The following CEP350 variants were observed in gnomAD, a reference collection of about 807,000 sequenced individuals.
CEP350 encodes the protein centrosomal protein 350.
Under a neutral mutation model 331.8 loss-of-function variants are expected in CEP350, and 126 were observed. The observed-to-expected ratio is 0.38, with a 90% CI of 0.33 to 0.44. CEP350 has a LOEUF of 0.44. CEP350 is among the 20% of genes least tolerant of loss of function. CEP350 has a pLI of 1.00. For synonymous variants in CEP350, 1,200 were observed against 1,259.5 expected (o/e 0.95, Z 1.00); for missense variants, 3,406 against 3,634.6 (o/e 0.94, Z 1.62).
intron 19 of CEP350, 42 bp from the exon 20 acceptor site, chr1:180,043,014 C>G (rs374010214): frequency 3.8e-6 from 6 of 1,582,052 alleles, no homozygotes; most frequent in Non-Finnish European, 2.6e-6. Context: ...TCTGACCTTA[C>G]GTTTTAATAC....
At chr1:179,969,978 C>T (rs1175297557) in intron 1 of CEP350, among the ~76,000 whole-genome samples, 1 of 152,028 alleles carries the variant, frequency 6.6e-6, no homozygotes, top group Non-Finnish European at 1.5e-5. Flanking sequence ...TAGATATATT[C>T]CTTGAAATTA....
chr1:180,065,658 TGAG>T (rs1296487343), intron 27 of CEP350, among the ~76,000 whole-genome samples: 2 of 151,158 alleles, frequency 1.3e-5, no homozygotes, highest in African/African-American at 4.9e-5. Context: ...TGTGGGAGGC[TGAG>T]GTGGGAGGAT....
rs1657586064 is a variant in CEP350 at position 180,052,637 on chromosome 1, A to T, written c.4793-333A>T. Among the ~76,000 whole-genome samples the T allele has an allele frequency of 2.0e-5, 3 of 151,952 alleles. No individual in the cohort carries two copies. The South Asian group carries it at 6.2e-4, about 31-fold the overall frequency. On this transcript the variant is annotated intron_variant, in intron 22 of 37. Coordinates refer to ENST00000367607, the MANE Select transcript of CEP350 (RefSeq NM_014810.5). ...AATGTTAAACATTTTTTTCACTTTT[A>T]CTATTTATATTTCCTTTGTAAAGCA...
intron 8 of CEP350, among the ~76,000 whole-genome samples, chr1:180,008,430 T>C (rs560239827): frequency 8.5e-6 from 1 of 117,606 alleles, no homozygotes; most frequent in African/African-American, 2.6e-5. Flanking sequence ...GCCTGGCACA[T>C]GATAAAGACT....
rs144168003 is a variant in CEP350, at chr1:180,041,768, G to A, written c.4328G>A (p.Arg1443His). The A allele has an allele frequency of 5.0e-6, 8 of 1,612,878 alleles. No individual in the cohort carries two copies. The highest frequency in any genetic ancestry group is 2.7e-5 in the African/African-American group (2 of 75,018). Residue 1443 changes from arginine (R) to histidine (H), a missense_variant, in exon 19 of 38, where the codon CGC becomes CAC. By Grantham distance (29) the Arg-to-His change is conservative (BLOSUM62 0). This residue lies in a region of CEP350 where 1,857 missense variants were observed against 1,909.2 expected (regional missense o/e 0.97). Coordinates refer to ENST00000367607, the MANE Select transcript of CEP350 (RefSeq NM_014810.5). ...GCAGCTCAGCAGTCAGAAACTGCTCGCCTCACCACAGACGCAGCACGTCAA... is the reference window on the plus strand; with the variant it reads ...GCAGCTCAGCAGTCAGAAACTGCTCACCTCACCACAGACGCAGCACGTCAA... Reference protein sequence around the residue: ...KIAAQQSETARLTTDAARQIC... With the variant: ...KIAAQQSETAHLTTDAARQIC...
At chr1:180,074,960 C>A in intron 27 of CEP350, 62 bp from the exon 28 acceptor site, 2 of 1,424,526 alleles carry the variant, frequency 1.4e-6, no homozygotes, top group Admixed American at 2.5e-5. Context: ...TGATAGAGCT[C>A]TCAAAGTGAT....
At chr1:180,042,132 T>TCACACACACACACACACACACA (rs59048123) in intron 19 of CEP350, among the ~76,000 whole-genome samples, 1 of 146,774 alleles carries the variant, frequency 6.8e-6, no homozygotes, top group Non-Finnish European at 1.5e-5. Context: ...GAGTTTTCTC[T>TCACACACACACACACACACACA]CACACACACA....
chr1:180,099,780 A>ATTTTT (rs200255438), intron 37 of CEP350, among the ~76,000 whole-genome samples: 127 of 119,492 alleles, frequency 1.1e-3, no homozygotes, highest in East Asian at 1.7e-3. Flanking sequence ...GCCTTATTTG[A>ATTTTT]TTTTTTTTTT....
At position 180,020,245 on chromosome 1, in the gene CEP350, G is replaced by A. The variant is rs756890824; in HGVS notation, c.2471G>A (p.Arg824His). The A allele has an allele frequency of 2.0e-5, 33 of 1,613,892 alleles. No individual in the cohort carries two copies. The highest frequency in any genetic ancestry group is 5.0e-5 in the Admixed American group (3 of 60,000). ...SASQYKSKLD[R>H]IEALKATAAS... ...AGCCAATATAAGAGTAAACTGGATCGTATTGAAGCCTTGAAAGCAACAGCT... is the reference window on the plus strand; with the variant it reads ...AGCCAATATAAGAGTAAACTGGATCATATTGAAGCCTTGAAAGCAACAGCT... The change falls in exon 12 of 38, where the codon CGT becomes CAT. Residue 824 changes from arginine (R) to histidine (H), a missense_variant. This residue lies in a region of CEP350 where 1,857 missense variants were observed against 1,909.2 expected (regional missense o/e 0.97). Coordinates refer to ENST00000367607, the MANE Select transcript of CEP350 (RefSeq NM_014810.5).
chr1:180,069,688 A>G (rs1658771228), intron 27 of CEP350, among the ~76,000 whole-genome samples: 1 of 152,160 alleles, frequency 6.6e-6, no homozygotes, highest in African/African-American at 2.4e-5. Context: ...CCTAAGCTAC[A>G]TTTTCTTTTC....
rs139497210 is a variant in CEP350, at chr1:180,052,976, C to A, written c.4799C>A (p.Thr1600Lys). 4.0e-6 allele frequency: 5 copies of A among 1,253,158 alleles called. No homozygotes were observed. In the African/African-American group the frequency reaches 7.5e-5, roughly 19 times the overall value. The allele number at this position is 1,253,158 out of a possible 1,614,324, so 77.6% of individuals were successfully genotyped here. Reference protein sequence around the residue: ...VPSLPDEKDSTSIATEYSLKF... With the variant: ...VPSLPDEKDSKSIATEYSLKF... The stretch of plus-strand genomic sequence containing the variant: ...TTTCTCCATATTCTTTTAGACTCAA[C>A]GTCTATTGCAACAGAATATTCTCTG... The change falls in exon 23 of 38, where the codon ACG becomes AAG. Residue 1600 changes from threonine to lysine, a missense_variant. By Grantham distance (78) the Thr-to-Lys change is moderately conservative. This residue lies in a region of CEP350 where 1,857 missense variants were observed against 1,909.2 expected (regional missense o/e 0.97). Transcript: ENST00000367607.
chr1:180,059,545 C>T (rs1169722032), intron 25 of CEP350, among the ~76,000 whole-genome samples: 5 of 151,302 alleles, frequency 3.3e-5, no homozygotes, highest in Non-Finnish European at 5.9e-5. Context: ...ACGGGAAATC[C>T]ATAATCAGAC....
At chr1:180,083,182 A>C (rs1036147403) in intron 30 of CEP350, among the ~76,000 whole-genome samples, 1 of 152,208 alleles carries the variant, frequency 6.6e-6, no homozygotes, top group African/African-American at 2.4e-5. Context: ...TAAGACTATT[A>C]AATGTCTCAC....
At chr1:180,087,757 T>C in intron 32 of CEP350, 40 bp downstream of exon 32, 1 of 1,425,890 alleles carries the variant, frequency 7.0e-7, no homozygotes. Flanking sequence ...CTGCCTTGTT[T>C]GAAAAAGGAA....
rs191748284 is a variant in CEP350 at position 179,991,865 on chromosome 1, T to C, written c.236-197T>C. Reference sequence around the variant, plus strand: ...CCTCAGAATACAATTTCTGTATCAATGGAGTTACTTTAACAATTTAACCTG... The same window carrying C: ...CCTCAGAATACAATTTCTGTATCAACGGAGTTACTTTAACAATTTAACCTG... On this transcript the variant is annotated intron_variant, in intron 4 of 37. Transcript: ENST00000367607. Among the ~76,000 whole-genome samples the C allele has an allele frequency of 1.6e-3, 248 of 152,118 alleles. 1 individual carries two copies. Among genetic ancestry groups the C allele is most frequent in the Non-Finnish European group, 1.1e-3 (75 of 67,998 alleles).
chr1:180,049,086 A>T (rs533939236), intron 22 of CEP350, among the ~76,000 whole-genome samples: 7 of 152,304 alleles, frequency 4.6e-5, no homozygotes, highest in African/African-American at 1.4e-4. Flanking sequence ...ATAAGTAAAT[A>T]AAGTGGCAAA....
At position 180,026,356 on chromosome 1, in the gene CEP350, G is replaced by A. The variant is rs182462990; in HGVS notation, c.3550+1774G>A. Among the ~76,000 whole-genome samples, 159 of 152,120 alleles carry A rather than the reference G, an allele frequency of 1.0e-3. 1 individual carries two copies. Among genetic ancestry groups the A allele is most frequent in the African/African-American group, 3.6e-3 (150 of 41,506 alleles). On this transcript the variant is annotated intron_variant, in intron 14 of 37. Transcript: ENST00000367607. The stretch of plus-strand genomic sequence containing the variant: ...ACGAGGGCCTCACTTTGTTGCCCAG[G>A]CTGGTCTCGAACTCCTGGGCTCAAG...
chr1:180,092,751 A>G lies in CEP350; in HGVS notation c.6646A>G (p.Arg2216Gly). ...AGTTCTCAGATCATCAAGGAAAATC[A>G]GAGAAGAATCTGGAGATTCTCTAGA... ...SPVLRSSRKI[R>G]EESGDSLENV... The change falls in exon 34 of 38, where the codon AGA becomes GGA. Residue 2216 changes from arginine (R) to glycine (G), a missense_variant. This residue lies in a region of CEP350 where 1,415 missense variants were observed against 1,512.3 expected (regional missense o/e 0.94). Coordinates refer to ENST00000367607, the MANE Select transcript of CEP350 (RefSeq NM_014810.5). 1 of 1,601,002 alleles carries G rather than the reference A, an allele frequency of 6.2e-7. No homozygotes were observed. The highest frequency in any genetic ancestry group is 8.5e-7 in the Non-Finnish European group (1 of 1,172,596).
rs909667869 is a variant in CEP350 at position 180,006,524 on chromosome 1, A to G, written c.1203A>G (p.Lys401=). The G allele has an allele frequency of 1.8e-5, 28 of 1,555,062 alleles. No individual in the cohort carries two copies. Among genetic ancestry groups the G allele is most frequent in the Non-Finnish European group, 2.4e-5 (27 of 1,147,608 alleles). The change falls in exon 8 of 38, where the codon AAA becomes AAG. Residue 401 remains lysine (K), a synonymous_variant. Transcript: ENST00000367607. Reference sequence around the variant, plus strand: ...AGAAAGTAGTCAAGCCAGTACGAAAAGTCCAAAAAGTAGCACAGTTATCAA... The same window carrying G: ...AGAAAGTAGTCAAGCCAGTACGAAAGGTCCAAAAAGTAGCACAGTTATCAA... ...KEKKVVKPVR[K]VQKVAQLSST...
Sources: gnomAD v4.1 joint callset for allele counts (sites outside exome capture counted in the v4.1 genomes callset) on GRCh38, gnomAD v4.1.1 for gene constraint, gnomAD v4.1.1 regional missense constraint, MANE v1.5 for transcripts, NCBI Gene and HGNC (gene_info 2026-07-23, HGNC 2026-07-21) for gene names.